BICC1: variants seen among roughly 807,000 people sequenced by gnomAD.
The protein encoded by BICC1 is protein bicaudal C homolog 1.
A neutral mutation model predicts 111.0 loss-of-function variants in BICC1; 43 were observed. The observed-to-expected ratio is 0.39, with a 90% CI of 0.30 to 0.50. The LOEUF is 0.50. Among genes scored for constraint, BICC1 ranks in the 20% least tolerant of loss-of-function variants. The pLI is 0.88. For synonymous variants in BICC1, 467 were observed against 434.4 expected (o/e 1.07, Z -0.93); for missense variants, 1,091 against 1,203.2 (o/e 0.91, Z 1.38).
intron 1 of BICC1, among the ~76,000 whole-genome samples, chr10:58,597,929 A>G (rs1237400385): frequency 6.6e-6 from 1 of 152,078 alleles, no homozygotes; most frequent in African/African-American, 2.4e-5. Context: ...GTTCAAACAC[A>G]CATGTTTTAC....
At chr10:58,695,132 G>A (rs1356322367) in intron 2 of BICC1, among the ~76,000 whole-genome samples, 1 of 152,224 alleles carries the variant, frequency 6.6e-6, no homozygotes, top group African/African-American at 2.4e-5. Context: ...TTGTTCTGAT[G>A]ATGATGAATA....
intron 1 of BICC1, among the ~76,000 whole-genome samples, chr10:58,517,792 T>G (rs1464565594): frequency 6.6e-6 from 1 of 152,066 alleles, no homozygotes; most frequent in Non-Finnish European, 1.5e-5. Context: ...GTTTTGAAAA[T>G]GAAGAGGAAA....
chr10:58,826,317 C>T (rs1844392769), intron 20 of BICC1, among the ~76,000 whole-genome samples: 1 of 152,104 alleles, frequency 6.6e-6, no homozygotes, highest in Non-Finnish European at 1.5e-5. Flanking sequence ...GAGCTTTTGT[C>T]AACCACTAGA....
intron 3 of BICC1, among the ~76,000 whole-genome samples, chr10:58,745,355 T>A (rs951347156): frequency 6.6e-6 from 1 of 152,094 alleles, no homozygotes; most frequent in African/African-American, 2.4e-5. Flanking sequence ...ATAATAATAA[T>A]CCCTCACAGG....
At chr10:58,512,474 G>GTGC (rs1469159591), upstream of BICC1, among the ~76,000 whole-genome samples, 1 of 152,120 alleles carries the variant, frequency 6.6e-6, no homozygotes, top group African/African-American at 2.4e-5. Flanking sequence ...GGACTCTGCT[G>GTGC]TGCTTGAACT....
In BICC1 at chr10:58,731,124, A is replaced by T. The variant is rs180788178; in HGVS notation, c.307+28981A>T. Among the ~76,000 whole-genome samples the T allele has an allele frequency of 8.8e-3, 1,344 of 152,158 alleles. 24 individuals are homozygous for T. The highest frequency in any genetic ancestry group is 0.031 in the African/African-American group (1,281 of 41,440). ...TACTTGAATGTTTTGCTGCTTAGAA[A>T]CTTTTTTTACCAGATACTCTAAATC... On this transcript the variant is annotated intron_variant, in intron 3 of 20. Coordinates refer to ENST00000373886, the MANE Select transcript of BICC1 (RefSeq NM_001080512.3).
At chr10:58,684,118 A>G (rs983395964) in intron 2 of BICC1, among the ~76,000 whole-genome samples, 2 of 152,194 alleles carry the variant, frequency 1.3e-5, no homozygotes, top group Admixed American at 1.3e-4. Flanking sequence ...CCTTTTCTGC[A>G]TCTGTTGAGA....
In BICC1 at chr10:58,793,479, TC is replaced by T; in HGVS notation, c.1048-4del. 6.2e-7 allele frequency: 1 copy of T among 1,609,280 alleles called. No homozygotes were observed. The highest frequency in any genetic ancestry group is 8.5e-7 in the Non-Finnish European group (1 of 1,177,076). On this transcript the variant is annotated splice_region_variant and splice_polypyrimidine_tract_variant and intron_variant, in intron 8 of 20. Coordinates refer to ENST00000373886, the MANE Select transcript of BICC1 (RefSeq NM_001080512.3). The stretch of plus-strand genomic sequence containing the variant: ...TCCTACACATTCTATTGTGACATTT[TC>T]TAGGGTTGTCTTCCTCTTGTGTTGA...
chr10:58,521,596 G>C (rs1203840326), intron 1 of BICC1, among the ~76,000 whole-genome samples: 1 of 151,864 alleles, frequency 6.6e-6, no homozygotes, highest in Non-Finnish European at 1.5e-5. Context: ...TATACCTGCG[G>C]TTCCCACAGT....
intron 9 of BICC1, among the ~76,000 whole-genome samples, chr10:58,794,051 C>A (rs1843268063): frequency 6.6e-6 from 1 of 151,834 alleles, no homozygotes; most frequent in Non-Finnish European, 1.5e-5. Context: ...TTTAGAGTAA[C>A]CATTATTTTT....
chr10:58,693,988 GT>G (rs930447393), intron 2 of BICC1, among the ~76,000 whole-genome samples: 9 of 152,056 alleles, frequency 5.9e-5, no homozygotes, highest in African/African-American at 1.9e-4. Flanking sequence ...GGTTTTTATG[GT>G]TTTAGGTCAT....
chr10:58,544,074 T>C (rs1325154380), intron 1 of BICC1, among the ~76,000 whole-genome samples: 1 of 152,040 alleles, frequency 6.6e-6, no homozygotes, highest in Non-Finnish European at 1.5e-5. Flanking sequence ...CCTTCATCCA[T>C]TGGAACCTGA....
intron 14 of BICC1, among the ~76,000 whole-genome samples, chr10:58,801,594 CTTT>C (rs11292094): frequency 6.7e-6 from 1 of 150,226 alleles, no homozygotes; most frequent in African/African-American, 2.4e-5. Context: ...CATCCTTACT[CTTT>C]TTTTTTTTCC....
intron 3 of BICC1, among the ~76,000 whole-genome samples, chr10:58,741,648 T>C (rs1841669494): frequency 6.6e-6 from 1 of 152,226 alleles, no homozygotes; most frequent in African/African-American, 2.4e-5. Context: ...AGAGGTCTTA[T>C]ATCTTTGCAT....
At chr10:58,676,715 C>T (rs1372295430) in intron 2 of BICC1, among the ~76,000 whole-genome samples, 2 of 152,210 alleles carry the variant, frequency 1.3e-5, no homozygotes, top group Non-Finnish European at 2.9e-5. Context: ...AGACTGCCTC[C>T]TCAAGTGGGT....
intron 20 of BICC1, 37 bp from the exon 21 acceptor site, chr10:58,828,724 T>G: frequency 6.2e-7 from 1 of 1,605,380 alleles, no homozygotes; most frequent in Non-Finnish European, 8.5e-7. Flanking sequence ...ATAGAACTTC[T>G]CTTGAGCTCC....
chr10:58,802,239 A>C (rs1843569196), intron 14 of BICC1, among the ~76,000 whole-genome samples: 1 of 152,158 alleles, frequency 6.6e-6, no homozygotes, highest in Non-Finnish European at 1.5e-5. Context: ...TCCCAGGTCA[A>C]ATGTCCTTTG....
intron 2 of BICC1, among the ~76,000 whole-genome samples, chr10:58,686,172 T>A (rs1201355359): frequency 6.6e-6 from 1 of 152,224 alleles, no homozygotes; most frequent in East Asian, 1.9e-4. Context: ...TTCTTTTCTT[T>A]AAGAATGTTG....
In BICC1 at chr10:58,814,795, C is replaced by CA. The variant is rs558356892; in HGVS notation, c.2533+820dup. Among the ~76,000 whole-genome samples, 329 of 139,616 alleles carry CA rather than the reference C, an allele frequency of 2.4e-3. 2 individuals carry two copies. Among genetic ancestry groups the CA allele is most frequent in the African/African-American group, 6.6e-3 (253 of 38,066 alleles). 91.6% of individuals were successfully genotyped at this position (139,616 alleles called of 152,430 possible). On this transcript the variant is annotated intron_variant, in intron 18 of 20. Coordinates refer to ENST00000373886, the MANE Select transcript of BICC1 (RefSeq NM_001080512.3). The stretch of plus-strand genomic sequence containing the variant: ...TGGGTGACAGAGCGAGACCCTGTCT[C>CA]AAAAAAAAAAAGTGGTTGAGAAAAA...
Sources: allele counts gnomAD v4.1 joint callset (sites outside exome capture counted in the v4.1 genomes callset), GRCh38; gene constraint gnomAD v4.1.1; transcripts MANE v1.5; gene names NCBI Gene and HGNC (gene_info 2026-07-23, HGNC 2026-07-21).